The following SLC2A8 variants were observed in gnomAD, a reference collection of about 807,000 sequenced individuals.
The protein encoded by SLC2A8 is solute carrier family 2, facilitated glucose transporter member 8.
SLC2A8 carries 53 observed loss-of-function variants against 49.2 expected under a neutral mutation model. The ratio of observed to expected loss-of-function variants is 1.08; its 90% CI spans 0.86 to 1.35. The LOEUF (loss-of-function observed/expected upper bound fraction) is 1.35, where lower values mean the gene tolerates loss of function less well. Ranked by LOEUF, SLC2A8 falls within the 40% of genes most tolerant of loss-of-function variation. SLC2A8 has a pLI of 0.00. For synonymous variants in SLC2A8, 299 were observed against 297.0 expected (o/e 1.01, Z -0.07); for missense variants, 688 against 671.7 (o/e 1.02, Z -0.27).
chr9:127,400,013 T>C lies in SLC2A8; in HGVS notation c.526+7T>C. The C allele has an allele frequency of 6.2e-7, 1 of 1,611,872 alleles. No homozygotes were observed. Among genetic ancestry groups the C allele is most frequent in the Non-Finnish European group, 8.5e-7 (1 of 1,178,096 alleles). On this transcript the variant is annotated splice_region_variant and intron_variant, in intron 4 of 9. Coordinates refer to ENST00000373371, the MANE Select transcript of SLC2A8 (RefSeq NM_014580.5). Reference sequence around the variant, plus strand: ...CTCCTGGCCTACCTGGCAGGTATAGTTGTCATTATCTCTTGCTTCCTGTTT... The same window carrying C: ...CTCCTGGCCTACCTGGCAGGTATAGCTGTCATTATCTCTTGCTTCCTGTTT...
intron 9 of SLC2A8, 128 bp from the exon 10 acceptor site, chr9:127,406,984 G>A (rs1400526654): frequency 3.0e-6 from 3 of 988,354 alleles, no homozygotes; most frequent in Admixed American, 2.1e-5. Flanking sequence ...GATAAAATGG[G>A]TGTGGCCTTG....
chr9:127,406,561 G>GAGACCA (rs1833500118), intron 9 of SLC2A8, among the ~76,000 whole-genome samples: 2 of 151,894 alleles, frequency 1.3e-5, no homozygotes, highest in Non-Finnish European at 2.9e-5. Context: ...GGGAGAGATC[G>GAGACCA]CCAGGTCCCA....
chr9:127,400,305 G>A (rs1338492744), intron 4 of SLC2A8, among the ~76,000 whole-genome samples: 4 of 151,914 alleles, frequency 2.6e-5, no homozygotes, highest in Non-Finnish European at 5.9e-5. Context: ...CTACAGGCAT[G>A]TGCCACCACA....
At chr9:127,401,388 C>T (rs538256780) in intron 4 of SLC2A8, among the ~76,000 whole-genome samples, 2 of 152,288 alleles carry the variant, frequency 1.3e-5, no homozygotes, top group East Asian at 3.9e-4. Context: ...ATGGCCTGGC[C>T]CAGGGCACAA....
rs1029897175 is a variant in SLC2A8, at chr9:127,399,436, C to T, written c.427-471C>T. On this transcript the variant is annotated intron_variant, in intron 3 of 9. Coordinates refer to ENST00000373371, the MANE Select transcript of SLC2A8 (RefSeq NM_014580.5). This position sits in a 1 kb window ranked among gnomAD's most constrained non-coding sequence, Gnocchi z 4.2. ...CAGTGGTGGGGACCTGGGGATGGCT[C>T]TGCTCACCTAGGCAGGTTCCACTAA... 2.0e-4 allele frequency among the ~76,000 whole-genome samples: 30 copies of T among 152,244 alleles called. No individual in the cohort carries two copies. The highest frequency in any genetic ancestry group is 1.8e-3 in the Admixed American group (27 of 15,294).
At chr9:127,405,595 C>T (rs929477669) in intron 9 of SLC2A8, 30 bp downstream of exon 9, 18 of 1,611,590 alleles carry the variant, frequency 1.1e-5, no homozygotes, top group Admixed American at 1.7e-5. Flanking sequence ...GCACCGCGTT[C>T]GTGCAGTCAG....
At chr9:127,401,164 G>A (rs1833272757) in intron 4 of SLC2A8, among the ~76,000 whole-genome samples, 1 of 152,196 alleles carries the variant, frequency 6.6e-6, no homozygotes, top group African/African-American at 2.4e-5. Context: ...CCTCTCCTAC[G>A]TGCTGTGTGA....
At position 127,404,987 on chromosome 9, in the gene SLC2A8, C is replaced by T. The variant is rs144432732; in HGVS notation, c.1146C>T (p.Ile382=). The T allele has an allele frequency of 1.4e-4, 216 of 1,597,722 alleles. 1 individual carries two copies. The African/African-American group carries it at 2.5e-3, about 19-fold the overall frequency. The change falls in exon 8 of 10, where the codon ATC becomes ATT. Residue 382 remains isoleucine, a synonymous_variant. Transcript: ENST00000373371. ...CCGTGGGCAGCATGTGCCTCTTCAT[C>T]GCCGGTAAGGGGGCCTGTGGGAGGC... ...WLAVGSMCLF[I]AGFAVGWGPI... is the part of the protein sequence containing the mutation.
chr9:127,400,267 C>T (rs1833232157), intron 4 of SLC2A8, among the ~76,000 whole-genome samples: 1 of 150,328 alleles, frequency 6.7e-6, no homozygotes, highest in Non-Finnish European at 1.5e-5. Context: ...AAGCGATTCT[C>T]CTGTCTCAGC....
chr9:127,405,018 G>A (rs770195600), intron 8 of SLC2A8, 27 bp downstream of exon 8: 15 of 1,578,934 alleles, frequency 9.5e-6, no homozygotes, highest in African/African-American at 9.4e-5. Context: ...GAGGCTGGGC[G>A]AGGAGTGGGA....
Position 127,399,687 on chromosome 9 carries a change from T to C in SLC2A8, c.427-220T>C, listed in dbSNP as rs1833197420. Among the ~76,000 whole-genome samples, 1 of 152,062 alleles carries C rather than the reference T, an allele frequency of 6.6e-6. No individual in the cohort carries two copies. Among genetic ancestry groups the C allele is most frequent in the African/African-American group, 2.4e-5 (1 of 41,390 alleles). On this transcript the variant is annotated intron_variant, in intron 3 of 9. Coordinates refer to ENST00000373371, the MANE Select transcript of SLC2A8 (RefSeq NM_014580.5). This position sits in a 1 kb window ranked among gnomAD's most constrained non-coding sequence, Gnocchi z 4.2. The stretch of plus-strand genomic sequence containing the variant: ...ACCTCCACCTCCAGGGTTCAAGTGA[T>C]TCTCCTCCCTCAACCTCCTGAGTAG...
rs1335412964 is a variant in SLC2A8, at chr9:127,397,210, C to G, written c.-21C>G. Reference sequence around the variant, plus strand: ...TGGCGGTTCAGGCGCCAGAGCTGGCCGATCGGCGTTGGCCGCCGACATGAC... The same window carrying G: ...TGGCGGTTCAGGCGCCAGAGCTGGCGGATCGGCGTTGGCCGCCGACATGAC... On this transcript the variant is annotated 5_prime_UTR_variant, in exon 1 of 10. Transcript: ENST00000373371. 14 of 1,454,934 alleles carry G rather than the reference C, an allele frequency of 9.6e-6. No homozygotes were observed. Among genetic ancestry groups the G allele is most frequent in the African/African-American group, 3.0e-5 (2 of 67,376 alleles). 90.1% of individuals were successfully genotyped at this position (1,454,934 alleles called of 1,614,324 possible).
intron 5 of SLC2A8, chr9:127,403,326 G>A: frequency 2.6e-6 from 1 of 381,228 alleles, no homozygotes; most frequent in South Asian, 3.4e-5. Flanking sequence ...GGCTGTAGGA[G>A]GTGCTTAGCT....
intron 7 of SLC2A8, chr9:127,404,474 C>CCCCCCGGCCCTGCTGTGGCGGCTTCCGG: frequency 2.8e-6 from 1 of 356,918 alleles, no homozygotes; most frequent in South Asian, 4.4e-5. Context: ...GGGAGGTGAT[C>CCCCCCGGCCCTGCTGTGGCGGCTTCCGG]CACGTGAGGC....
At chr9:127,403,381 T>C in intron 5 of SLC2A8, 1 of 501,174 alleles carries the variant, frequency 2.0e-6, no homozygotes, top group Admixed American at 3.3e-5. Context: ...GTGTTGGTGG[T>C]GGCAGGGATG....
At chr9:127,397,582 C>G in intron 2 of SLC2A8, 44 bp downstream of exon 2, 2 of 1,367,740 alleles carry the variant, frequency 1.5e-6, no homozygotes, top group Non-Finnish European at 1.9e-6. Flanking sequence ...ACCCCACGCC[C>G]TCCTCTCGGG....
chr9:127,400,694 G>A (rs1310711769), intron 4 of SLC2A8, among the ~76,000 whole-genome samples: 3 of 152,110 alleles, frequency 2.0e-5, no homozygotes, highest in Admixed American at 6.5e-5. Context: ...TCACCATGTC[G>A]GCGAGTTGCA....
chr9:127,407,213 T>G lies in SLC2A8; in HGVS notation c.1398T>G (p.Thr466=), dbSNP rs1474708964. 1 of 1,613,452 alleles carries G rather than the reference T, an allele frequency of 6.2e-7. No individual in the cohort carries two copies. The highest frequency in any genetic ancestry group is 1.7e-5 in the Admixed American group (1 of 60,030). The change falls in exon 10 of 10, where the codon ACT becomes ACG. Residue 466 remains threonine (T), a synonymous_variant. Coordinates refer to ENST00000373371, the MANE Select transcript of SLC2A8 (RefSeq NM_014580.5). The part of the protein sequence containing the change: ...LFCVPETKGK[T]LEQITAHFEG... ...GTGTCCCTGAAACTAAAGGAAAGAC[T>G]CTGGAACAAATCACAGCCCATTTTG...
Position 127,403,724 on chromosome 9 carries a change from T to C in SLC2A8, c.788T>C (p.Leu263Pro), listed in dbSNP as rs1360628033. 1 of 1,613,014 alleles carries C rather than the reference T, an allele frequency of 6.2e-7. No individual in the cohort carries two copies. The highest frequency in any genetic ancestry group is 1.3e-5 in the African/African-American group (1 of 74,900). ...AAGCCCTTCATCATCGGCGTCTCCC[T>C]GATGGCCTTCCAGCAGCTGTCGGGG... ...IYKPFIIGVSLMAFQQLSGVN... is the reference protein window; with the variant it reads ...IYKPFIIGVSPMAFQQLSGVN... The change falls in exon 6 of 10, where the codon CTG (leucine) becomes CCG (proline). Residue 263 changes from leucine (L) to proline (P), a missense_variant. Physicochemically the swap from Leu to Pro is moderately conservative, Grantham distance 98. Transcript: ENST00000373371.
Sources: gnomAD v4.1 joint callset for allele counts (sites outside exome capture counted in the v4.1 genomes callset) on GRCh38, gnomAD v4.1.1 for gene constraint, Gnocchi (gnomAD v3.1) non-coding constraint, MANE v1.5 for transcripts, NCBI Gene and HGNC (gene_info 2026-07-23, HGNC 2026-07-21) for gene names.